PRKG1: variants seen among roughly 807,000 people sequenced by gnomAD.
PRKG1 encodes the protein cGMP-dependent protein kinase 1.
PRKG1 carries 35 observed loss-of-function variants against 88.1 expected under a neutral mutation model. That is an observed-to-expected ratio of 0.40 (90% CI 0.30 to 0.53). PRKG1 has a LOEUF of 0.53. Ranked by LOEUF, PRKG1 falls within the 20% of genes least tolerant of loss-of-function variation. PRKG1 has a pLI of 0.59. For missense variants in PRKG1, 540 were observed against 839.8 expected, an observed-to-expected ratio of 0.64 and a Z score of 4.41; for synonymous variants, 303 against 292.5, an observed-to-expected ratio of 1.04 and a Z score of -0.37.
chr10:52,100,263 C>T (rs1403031554), intron 7 of PRKG1, among the ~76,000 whole-genome samples: 1 of 152,144 alleles, frequency 6.6e-6, no homozygotes, highest in African/African-American at 2.4e-5. Context: ...TGTTTTAATG[C>T]TTCTGTTGTA....
intron 6 of PRKG1, among the ~76,000 whole-genome samples, chr10:52,059,854 C>T (rs757486271): frequency 2.9e-4 from 44 of 151,868 alleles, no homozygotes; most frequent in Non-Finnish European, 5.3e-4. Flanking sequence ...AACTAAAATA[C>T]GTTTTTAAAA....
intron 3 of PRKG1, among the ~76,000 whole-genome samples, chr10:51,670,668 A>G (rs374040768): frequency 0.25 from 35,972 of 146,062 alleles, 4,805 homozygotes; most frequent in Middle Eastern, 0.31. Context: ...CCCGGGAGGC[A>G]GAGCTTGCAG....
At chr10:52,202,658 G>A (rs1299741558) in intron 9 of PRKG1, among the ~76,000 whole-genome samples, 2 of 151,150 alleles carry the variant, frequency 1.3e-5, no homozygotes, top group Admixed American at 6.6e-5. Context: ...ATCCACCTGG[G>A]CTTTTTTTTT....
intron 3 of PRKG1, among the ~76,000 whole-genome samples, chr10:51,606,591 T>C (rs1838773454): frequency 6.6e-6 from 1 of 152,162 alleles, no homozygotes; most frequent in African/African-American, 2.4e-5. Flanking sequence ...AGGGGAGTCA[T>C]CTGGATAAAA....
intron 2 of PRKG1, among the ~76,000 whole-genome samples, chr10:51,311,612 A>G (rs1841187661): frequency 6.6e-6 from 1 of 152,240 alleles, no homozygotes; most frequent in Non-Finnish European, 1.5e-5. Context: ...TCTATGAATC[A>G]CAGTGAATGG....
intron 2 of PRKG1, among the ~76,000 whole-genome samples, chr10:51,249,394 G>C (rs1839373686): frequency 6.6e-6 from 1 of 151,770 alleles, no homozygotes. Flanking sequence ...GAATGCCATA[G>C]GAATTTTTAA....
intron 7 of PRKG1, among the ~76,000 whole-genome samples, chr10:52,109,768 A>AATAAGAAATAAAAAAAGATG: frequency 1.8e-4 from 27 of 152,088 alleles, no homozygotes; most frequent in African/African-American, 6.0e-4. Flanking sequence ...ATCTCAAAAA[A>AATAAGAAATAAAAAAAGATG]AAATCTTATC....
In PRKG1 at chr10:51,136,238, G is replaced by A. The variant is rs1014953687; in HGVS notation, c.312-16926G>A. ...TTTGAGCAATTGGGTAGGTGGTGAT[G>A]TTCCCAGTTGAGGTTAAAAGTCCTG... On this transcript the variant is annotated intron_variant, in intron 1 of 17. Transcript: ENST00000373980. Among the ~76,000 whole-genome samples, 3 of 152,134 alleles carry A rather than the reference G, an allele frequency of 2.0e-5. No individual in the cohort carries two copies. The East Asian group carries it at 5.8e-4, about 29-fold the overall frequency.
chr10:51,965,924 G>A (rs958406149), intron 5 of PRKG1, among the ~76,000 whole-genome samples: 2 of 152,096 alleles, frequency 1.3e-5, no homozygotes, highest in African/African-American at 4.8e-5. Flanking sequence ...TCAGTTCTGT[G>A]AAGAAACAAG....
chr10:52,071,314 A>G (rs1029630165), intron 7 of PRKG1, among the ~76,000 whole-genome samples: 3 of 151,270 alleles, frequency 2.0e-5, no homozygotes, highest in African/African-American at 7.3e-5. Context: ...CCTCTTTTCA[A>G]CTCTCTAGTG....
chr10:51,627,339 C>T (rs1038388612), intron 3 of PRKG1, among the ~76,000 whole-genome samples: 4 of 152,058 alleles, frequency 2.6e-5, no homozygotes, highest in Non-Finnish European at 5.9e-5. Context: ...CTGTTTCTTC[C>T]TTATCAATAA....
intron 5 of PRKG1, among the ~76,000 whole-genome samples, chr10:51,918,346 T>TA (rs1842390619): frequency 6.6e-6 from 1 of 151,382 alleles, no homozygotes; most frequent in Non-Finnish European, 1.5e-5. Flanking sequence ...TTTTTTTTAT[T>TA]TTTTTTTTTG....
Position 51,123,692 on chromosome 10 carries a change from CAA to C in PRKG1, c.312-29457_312-29456del, listed in dbSNP as rs34103294. ...TGGGCAACAGATCGAGACTCCATCT[CAA>C]AAAAAAAAAAAAAATTACTGGAGGC... On this transcript the variant is annotated intron_variant, in intron 1 of 17. Coordinates refer to ENST00000373980, the MANE Select transcript of PRKG1 (RefSeq NM_006258.4). Among the ~76,000 whole-genome samples, 596 of 133,584 alleles carry C rather than the reference CAA, an allele frequency of 4.5e-3. 2 individuals carry two copies. Among genetic ancestry groups the C allele is most frequent in the African/African-American group, 0.013 (411 of 32,862 alleles). 87.6% of individuals were successfully genotyped at this position (133,584 alleles called of 152,430 possible). A position where few individuals can be genotyped will look rare whatever the true frequency, so the allele number is the denominator to read the frequency against.
At chr10:51,546,138 A>G (rs1466513130) in intron 3 of PRKG1, among the ~76,000 whole-genome samples, 2 of 151,394 alleles carry the variant, frequency 1.3e-5, no homozygotes, top group African/African-American at 4.9e-5. Context: ...TCATGAGTTT[A>G]TTTTAAAGTA....
chr10:51,393,067 CGGCTGCCGGGCGG>C (rs1837472847), intron 2 of PRKG1, among the ~76,000 whole-genome samples: 1 of 55,952 alleles, frequency 1.8e-5, no homozygotes, highest in Non-Finnish European at 3.8e-5. Context: ...TCAGGCGGGG[CGGCTGCCGGGCGG>C]AGGGGCTCCT....
intron 2 of PRKG1, among the ~76,000 whole-genome samples, chr10:51,276,753 T>G (rs1840131541): frequency 6.6e-6 from 1 of 152,236 alleles, no homozygotes; most frequent in South Asian, 2.1e-4. Context: ...GTCGACTGCA[T>G]AAATGTCTTC....
chr10:51,514,062 GT>G (rs1370564573), intron 3 of PRKG1, among the ~76,000 whole-genome samples: 3 of 143,434 alleles, frequency 2.1e-5, no homozygotes, highest in African/African-American at 8.0e-5. Context: ...CCAGGAGCTG[GT>G]TTTTTGAAAG....
intron 2 of PRKG1, among the ~76,000 whole-genome samples, chr10:51,284,896 CTTTT>C (rs537910719): frequency 2.1e-5 from 1 of 47,858 alleles, no homozygotes; most frequent in Non-Finnish European, 4.9e-5. Flanking sequence ...TTAAGCTATT[CTTTT>C]TTTTTTTATT....
chr10:52,017,203 G>A (rs1305410914), intron 5 of PRKG1, among the ~76,000 whole-genome samples: 2 of 152,168 alleles, frequency 1.3e-5, no homozygotes, highest in African/African-American at 4.8e-5. Flanking sequence ...GTGTCATGGA[G>A]GAAACATGGA....
Sources: allele counts gnomAD v4.1 joint callset (sites outside exome capture counted in the v4.1 genomes callset), GRCh38; gene constraint gnomAD v4.1.1; transcripts MANE v1.5; gene names NCBI Gene and HGNC (gene_info 2026-07-23, HGNC 2026-07-21).